The following ATRN variants were observed in gnomAD, a reference collection of about 807,000 sequenced individuals.
ATRN encodes attractin, also known as attractin-2.
A neutral mutation model predicts 178.7 loss-of-function variants in ATRN; 54 were observed. The observed-to-expected ratio is 0.30, with a 90% CI of 0.24 to 0.38. The LOEUF (loss-of-function observed/expected upper bound fraction) is 0.38. ATRN is among the 10% of genes least tolerant of loss of function. The pLI is 1.00. For synonymous variants in ATRN, 636 were observed against 663.0 expected, an observed-to-expected ratio of 0.96 and a Z score of 0.63; for missense variants, 1,443 against 1,815.1, an observed-to-expected ratio of 0.79 and a Z score of 3.73.
chr20:3,493,119 T>G (rs1268044172), intron 1 of ATRN, among the ~76,000 whole-genome samples: 1 of 31,164 alleles, frequency 3.2e-5, no homozygotes, highest in African/African-American at 8.4e-5. Flanking sequence ...TAGGTACGTT[T>G]GTTTGTGTGT....
chr20:3,519,393 C>A (rs1335329180), intron 1 of ATRN, among the ~76,000 whole-genome samples: 5 of 152,152 alleles, frequency 3.3e-5, no homozygotes, highest in African/African-American at 4.8e-5. Flanking sequence ...GTTAAATGTA[C>A]TTTTTCAAAC....
chr20:3,647,012 T>C lies in ATRN; in HGVS notation c.*165T>C. 1.1e-6 allele frequency: 1 copy of C among 925,006 alleles called. No individual in the cohort carries two copies. Among genetic ancestry groups the C allele is most frequent in the Non-Finnish European group, 1.5e-6 (1 of 652,188 alleles). The allele number at this position is 925,006 out of a possible 1,614,324, so 57.3% of individuals were successfully genotyped here. A position where few individuals can be genotyped will look rare whatever the true frequency, so the allele number is the denominator to read the frequency against. Reference sequence around the variant, plus strand: ...ATGATCACAAGCTTTCTTTGACGGTTTCTCCCATCCGTGTTCCAGCATCTA... The same window carrying C: ...ATGATCACAAGCTTTCTTTGACGGTCTCTCCCATCCGTGTTCCAGCATCTA... On this transcript the variant is annotated 3_prime_UTR_variant, in exon 29 of 29. Coordinates refer to ENST00000262919, the MANE Select transcript of ATRN (RefSeq NM_139321.3).
chr20:3,627,949 G>A (rs2086956435), intron 25 of ATRN, among the ~76,000 whole-genome samples: 1 of 152,184 alleles, frequency 6.6e-6, no homozygotes, highest in South Asian at 2.1e-4. Flanking sequence ...GAGGTGGGTG[G>A]ATCACGAGGT....
chr20:3,510,078 T>C (rs2146125398), intron 1 of ATRN, among the ~76,000 whole-genome samples: 1 of 152,332 alleles, frequency 6.6e-6, no homozygotes, highest in Admixed American at 6.5e-5. Flanking sequence ...ATAGTGATAG[T>C]CTTAAGAGTC....
At chr20:3,491,582 C>T (rs935925203) in intron 1 of ATRN, among the ~76,000 whole-genome samples, 3 of 152,206 alleles carry the variant, frequency 2.0e-5, no homozygotes, top group Non-Finnish European at 4.4e-5. Flanking sequence ...GTACCTGAAA[C>T]TCAGATGTTC....
At position 3,581,463 on chromosome 20, in the gene ATRN, A is replaced by G. The variant is rs549985248; in HGVS notation, c.2545-672A>G. 2.0e-5 allele frequency among the ~76,000 whole-genome samples: 3 copies of G among 152,198 alleles called. No homozygotes were observed. The South Asian group carries it at 6.2e-4, about 32-fold the overall frequency. On this transcript the variant is annotated intron_variant, in intron 15 of 28. Transcript: ENST00000262919. ...CCTATAAAATCCAGTGCCAGGATGG[A>G]TGAATGGATAAAGCAAATGTGGTAT...
At position 3,594,485 on chromosome 20, in the gene ATRN, A is replaced by C. The variant is rs777394050; in HGVS notation, c.3329A>C (p.Lys1110Thr). Residue 1110 changes from lysine to threonine, a missense_variant, in exon 20 of 29, where the codon AAG (lysine) becomes ACG (threonine). Lys to Thr is a moderately conservative substitution (Grantham distance 78). This residue lies in a region of ATRN where 289 missense variants were observed against 440.8 expected (regional missense o/e 0.66). Coordinates refer to ENST00000262919, the MANE Select transcript of ATRN (RefSeq NM_139321.3). ...TCCTTTTTCTTCTCTGCAGCATGCA[A>C]GTGCAATGGGCACGCGTCTCTGTGC... ...PTNGGKCQPC[K>T]CNGHASLCNT... 3 of 1,606,822 alleles carry C rather than the reference A, an allele frequency of 1.9e-6. No homozygotes were observed. Among genetic ancestry groups the C allele is most frequent in the Non-Finnish European group, 8.5e-7 (1 of 1,174,734 alleles).
Position 3,555,298 on chromosome 20 carries a change from C to T in ATRN, c.1113-4095C>T, listed in dbSNP as rs529530573. Among the ~76,000 whole-genome samples, 15 of 151,984 alleles carry T rather than the reference C, an allele frequency of 9.9e-5. No individual in the cohort carries two copies. The East Asian group carries it at 1.2e-3, about 12-fold the overall frequency. On this transcript the variant is annotated intron_variant, in intron 6 of 28. Transcript: ENST00000262919. Reference sequence around the variant, plus strand: ...GATTACAGGCGTGAGCCACCGCGCCCGGCCGACCTGACCTCTTACATACCC... The same window carrying T: ...GATTACAGGCGTGAGCCACCGCGCCTGGCCGACCTGACCTCTTACATACCC...
chr20:3,589,454 C>T (rs1245375242), intron 18 of ATRN, among the ~76,000 whole-genome samples: 2 of 151,116 alleles, frequency 1.3e-5, no homozygotes, highest in African/African-American at 4.9e-5. Context: ...TAAGAGCTTG[C>T]TCTCTTATAT....
chr20:3,481,078 A>G (rs961152186), intron 1 of ATRN, among the ~76,000 whole-genome samples: 1 of 152,074 alleles, frequency 6.6e-6, no homozygotes, highest in Non-Finnish European at 1.5e-5. Flanking sequence ...ACTTCCATCT[A>G]TATACTATAT....
intron 27 of ATRN, among the ~76,000 whole-genome samples, chr20:3,643,060 A>G (rs1481313092): frequency 1.3e-5 from 2 of 152,180 alleles, no homozygotes; most frequent in Non-Finnish European, 2.9e-5. Flanking sequence ...TCTTGGGCTC[A>G]AGGGATCCTC....
chr20:3,484,199 A>G (rs981860444), intron 1 of ATRN, among the ~76,000 whole-genome samples: 1 of 152,022 alleles, frequency 6.6e-6, no homozygotes, highest in Non-Finnish European at 1.5e-5. Flanking sequence ...CAGTGAGCTA[A>G]GATCACACTA....
In ATRN at chr20:3,647,616, A is replaced by AACACAT. The variant is rs1439642014; in HGVS notation, c.*775_*780dup. 6.6e-6 allele frequency: 1 copy of AACACAT among 151,950 alleles called. No individual in the cohort carries two copies. The highest frequency in any genetic ancestry group is 2.4e-5 in the African/African-American group (1 of 41,350). 9.4% of individuals were successfully genotyped at this position (151,950 alleles called of 1,614,324 possible). ...TCCCTCTCTCACACATACACACACA[A>AACACAT]ACACATACACACAACACTAAGTGCC... On this transcript the variant is annotated 3_prime_UTR_variant, in exon 29 of 29. Transcript: ENST00000262919.
chr20:3,588,784 A>C (rs2086393781), intron 18 of ATRN, among the ~76,000 whole-genome samples: 1 of 152,138 alleles, frequency 6.6e-6, no homozygotes, highest in Non-Finnish European at 1.5e-5. Context: ...ATGTTGATTG[A>C]ATTCACCAGT....
chr20:3,563,139 G>T, intron 9 of ATRN, 70 bp from the exon 10 acceptor site: 1 of 1,369,084 alleles, frequency 7.3e-7, no homozygotes. Context: ...GGTTGTGCTT[G>T]CATTAGCAGA....
chr20:3,584,902 A>G, intron 18 of ATRN, 22 bp downstream of exon 18: 1 of 1,596,614 alleles, frequency 6.3e-7, no homozygotes, highest in East Asian at 2.2e-5. Flanking sequence ...TGCATATCCA[A>G]ATTCAAGTGT....
chr20:3,545,221 A>C (rs1396203183), intron 3 of ATRN, among the ~76,000 whole-genome samples: 2 of 152,118 alleles, frequency 1.3e-5, no homozygotes, highest in African/African-American at 4.8e-5. Flanking sequence ...ATAAAAAATT[A>C]GCTGGGCATG....
intron 1 of ATRN, among the ~76,000 whole-genome samples, chr20:3,526,307 C>CA (rs1278253332): frequency 6.6e-6 from 1 of 151,892 alleles, no homozygotes; most frequent in East Asian, 1.9e-4. Context: ...TAGACAAACT[C>CA]ATGAGAGCCA....
intron 24 of ATRN, among the ~76,000 whole-genome samples, chr20:3,615,299 T>C (rs557003547): frequency 6.6e-6 from 1 of 151,572 alleles, no homozygotes; most frequent in South Asian, 2.1e-4. Context: ...CGTGGTGAAG[T>C]GTTCCTGTAG....
Sources: allele counts gnomAD v4.1 joint callset (sites outside exome capture counted in the v4.1 genomes callset), GRCh38; gene constraint gnomAD v4.1.1; regional missense constraint gnomAD v4.1.1; transcripts MANE v1.5; gene names NCBI Gene and HGNC (gene_info 2026-07-23, HGNC 2026-07-21).